The following DYSF variants were observed in gnomAD, a reference collection of about 807,000 sequenced individuals.
The protein encoded by DYSF is dystrophy-associated fer-1-like 1.
In DYSF, 212 loss-of-function variants were observed where a neutral mutation model predicts 274.9. That is an observed-to-expected ratio of 0.77 (90% CI 0.69 to 0.86). DYSF has a LOEUF of 0.86. Ranked by LOEUF, DYSF falls within the 40% of genes least tolerant of loss-of-function variation. The probability of loss-of-function intolerance (pLI) is 0.00; values close to 1 mark genes in which losing one functional copy is unlikely to be tolerated. For missense variants in DYSF, 2,666 were observed against 2,783.2 expected, an observed-to-expected ratio of 0.96 and a Z score of 0.95; for synonymous variants, 1,091 against 1,078.7, an observed-to-expected ratio of 1.01 and a Z score of -0.22.
rs2080935652 is a variant in DYSF, at chr2:71,453,787, G to A, written c.-212G>A. On this transcript the variant is annotated 5_prime_UTR_variant, in exon 1 of 55. Coordinates refer to the DYSF transcript ENST00000258104. The stretch of plus-strand genomic sequence containing the variant: ...GCTGACAAGCGGGGTGAGCGCAGCC[G>A]GGGCGGGGACCCAGCCTAGCCCACT... 6.7e-6 allele frequency: 4 copies of A among 599,830 alleles called. No homozygotes were observed. The South Asian group carries it at 7.6e-5, about 11-fold the overall frequency. The allele number at this position is 599,830 out of a possible 1,614,324, so 37.2% of individuals were successfully genotyped here.
At chr2:71,599,109 T>C (rs1558579484) in intron 33 of DYSF, among the ~76,000 whole-genome samples, 1 of 152,146 alleles carries the variant, frequency 6.6e-6, no homozygotes, top group Non-Finnish European at 1.5e-5. Context: ...ACTGGCTGAG[T>C]GGCCCTTCAC....
At chr2:71,660,903 G>A (rs989593496) in intron 45 of DYSF, among the ~76,000 whole-genome samples, 3 of 152,068 alleles carry the variant, frequency 2.0e-5, no homozygotes, top group Non-Finnish European at 4.4e-5. Context: ...CATGGCTTGA[G>A]CTCAGGAGTT....
chr2:71,623,984 G>T (rs1200606129), intron 41 of DYSF, among the ~76,000 whole-genome samples: 2 of 152,164 alleles, frequency 1.3e-5, no homozygotes, highest in Non-Finnish European at 2.9e-5. Flanking sequence ...TGGGAAGATT[G>T]CTTGAGCCCC....
intron 3 of DYSF, among the ~76,000 whole-genome samples, chr2:71,488,644 TCC>T (rs2083553186): frequency 6.6e-6 from 1 of 152,170 alleles, no homozygotes; most frequent in Admixed American, 6.5e-5. Flanking sequence ...CACTCTACCC[TCC>T]AGCCTGACCG....
At chr2:71,628,975 A>T (rs1382299817) in intron 41 of DYSF, among the ~76,000 whole-genome samples, 1 of 152,194 alleles carries the variant, frequency 6.6e-6, no homozygotes, top group Non-Finnish European at 1.5e-5. Context: ...TTTAAAAAGT[A>T]AAATTAGTTT....
At chr2:71,455,825 T>C (rs751803317) in intron 1 of DYSF, among the ~76,000 whole-genome samples, 8 of 152,158 alleles carry the variant, frequency 5.3e-5, no homozygotes, top group Non-Finnish European at 7.4e-5. Context: ...CCACTCAGCC[T>C]GAACCAGATT....
At chr2:71,678,836 C>T (rs1283154300) in intron 52 of DYSF, among the ~76,000 whole-genome samples, 1 of 152,044 alleles carries the variant, frequency 6.6e-6, no homozygotes, top group Non-Finnish European at 1.5e-5. Context: ...GATGAACATG[C>T]ATATGAACGC....
chr2:71,454,498 C>G (rs996768184), intron 1 of DYSF, among the ~76,000 whole-genome samples: 1 of 152,216 alleles, frequency 6.6e-6, no homozygotes, highest in African/African-American at 2.4e-5. Context: ...CTTCCCGCCC[C>G]GATCTGCGCC....
chr2:71,513,372 C>G, intron 6 of DYSF, 40 bp downstream of exon 6: 1 of 1,533,032 alleles, frequency 6.5e-7, no homozygotes, highest in Non-Finnish European at 8.8e-7. Context: ...CCAGACCCTC[C>G]CTGTAACTGT....
chr2:71,528,911 C>A (rs755094934), intron 14 of DYSF, among the ~76,000 whole-genome samples: 1 of 152,264 alleles, frequency 6.6e-6, no homozygotes, highest in Middle Eastern at 3.4e-3. Context: ...TCTGTCCCAG[C>A]CCTTCTCTCC....
At position 71,513,328 on chromosome 2, in the gene DYSF, C is replaced by T; in HGVS notation, c.549C>T (p.Pro183=). The change falls in exon 6 of 56, where the codon CCC becomes CCT. Residue 183 remains proline, a synonymous_variant. Transcript: ENST00000410020. ...TRYSGKKWPA[P]TDTGGEEDTE... ...ACTCTGGAAAGAAGTGGCCGGCCCC[C>T]ACGGGTGAGACACGGGCCAGGACTG... 1.3e-6 allele frequency: 2 copies of T among 1,551,612 alleles called. No homozygotes were observed. Among genetic ancestry groups the T allele is most frequent in the Non-Finnish European group, 1.7e-6 (2 of 1,146,950 alleles).
At chr2:71,570,922 A>G in intron 29 of DYSF, 181 bp downstream of exon 29, 1 of 829,902 alleles carries the variant, frequency 1.2e-6, no homozygotes, top group Non-Finnish European at 1.8e-6. Flanking sequence ...CACCCAGCAT[A>G]CACACAGATC....
Position 71,572,151 on chromosome 2 carries a change from A to T in DYSF, c.3228+1410A>T, listed in dbSNP as rs1395067232. Among the ~76,000 whole-genome samples, 4 of 143,544 alleles carry T rather than the reference A, an allele frequency of 2.8e-5. No individual in the cohort carries two copies. In the East Asian group the frequency reaches 8.4e-4, roughly 30 times the overall value. 94.2% of individuals were successfully genotyped at this position (143,544 alleles called of 152,430 possible). On this transcript the variant is annotated intron_variant, in intron 29 of 55. Coordinates refer to ENST00000410020, the MANE Select transcript of DYSF (RefSeq NM_001130987.2). The stretch of plus-strand genomic sequence containing the variant: ...CAGATCACACCCAGCACACCCACAG[A>T]TCACACCCAGCATGGATCACACCCA...
rs1005124565 is a variant in DYSF, at chr2:71,615,541, T to C, written c.4464+2131T>C. ...AGCCCTGGCCCTCTGGGGAAGCCCC[T>C]TTTCTGGTATCTGACTTTGTTCCAT... is the stretch of plus-strand genomic sequence containing the variant. On this transcript the variant is annotated intron_variant, in intron 40 of 55. Coordinates refer to ENST00000410020, the MANE Select transcript of DYSF (RefSeq NM_001130987.2). The surrounding 1 kb of genome is among the most constrained non-coding windows in gnomAD (Gnocchi z 4.9). Among the ~76,000 whole-genome samples, 1 of 152,124 alleles carries C rather than the reference T, an allele frequency of 6.6e-6. No homozygotes were observed. Among genetic ancestry groups the C allele is most frequent in the Non-Finnish European group, 1.5e-5 (1 of 68,004 alleles).
At chr2:71,551,986 G>A (rs925464559) in intron 19 of DYSF, among the ~76,000 whole-genome samples, 1 of 152,222 alleles carries the variant, frequency 6.6e-6, no homozygotes, top group Admixed American at 6.5e-5. Context: ...AATGAGATGC[G>A]ATTTTATATT....
chr2:71,553,760 C>CCCCCCCCA, intron 20 of DYSF, 47 bp from the exon 21 acceptor site: 3 of 1,457,504 alleles, frequency 2.1e-6, no homozygotes, highest in South Asian at 1.2e-5. Context: ...CCATCCCACC[C>CCCCCCCCA]GCCCTCCACT....
At chr2:71,489,663 G>A (rs2083655963) in intron 3 of DYSF, among the ~76,000 whole-genome samples, 1 of 152,210 alleles carries the variant, frequency 6.6e-6, no homozygotes, top group Admixed American at 6.5e-5. Context: ...GGCGCCTGGG[G>A]AGGGGGCCTG....
chr2:71,566,577 GT>G (rs2092120931), intron 24 of DYSF, among the ~76,000 whole-genome samples: 1 of 151,898 alleles, frequency 6.6e-6, no homozygotes, highest in Non-Finnish European at 1.5e-5. Flanking sequence ...TTTATTTGCT[GT>G]TGCTATTTTG....
intron 32 of DYSF, among the ~76,000 whole-genome samples, chr2:71,593,266 A>G (rs4852811): frequency 0.62 from 94,420 of 151,468 alleles, 29,610 homozygotes; most frequent in East Asian, 0.77. Flanking sequence ...CCAAGTAGCT[A>G]GGATTACAGG....
Sources: gnomAD v4.1 joint callset for allele counts (sites outside exome capture counted in the v4.1 genomes callset) on GRCh38, gnomAD v4.1.1 for gene constraint, Gnocchi (gnomAD v3.1) non-coding constraint, MANE v1.5 for transcripts, NCBI Gene and HGNC (gene_info 2026-07-23, HGNC 2026-07-21) for gene names.